GRIN3A: variants seen among roughly 807,000 people sequenced by gnomAD.
The protein encoded by GRIN3A is glutamate ionotropic receptor NMDA type subunit 3A.
GRIN3A carries 47 observed loss-of-function variants against 92.4 expected under a neutral mutation model. That is an observed-to-expected ratio of 0.51 (90% CI 0.40 to 0.65). The LOEUF (loss-of-function observed/expected upper bound fraction) is 0.65, where lower values mean the gene tolerates loss of function less well. GRIN3A is among the 30% of genes least tolerant of loss of function. GRIN3A has a pLI of 0.00. For synonymous variants in GRIN3A, 527 were observed against 540.6 expected (o/e 0.97, Z 0.35); for missense variants, 1,324 against 1,393.1 (o/e 0.95, Z 0.79).
intron 1 of GRIN3A, among the ~76,000 whole-genome samples, chr9:101,698,897 C>T (rs10123455): frequency 0.14 from 21,807 of 151,972 alleles, 1,689 homozygotes; most frequent in Admixed American, 0.2. Context: ...CTCAATCTCC[C>T]GACCTCATGA....
At chr9:101,634,746 A>G (rs961995772) in intron 3 of GRIN3A, among the ~76,000 whole-genome samples, 1 of 152,212 alleles carries the variant, frequency 6.6e-6, no homozygotes, top group African/African-American at 2.4e-5. Flanking sequence ...CAATTAATAT[A>G]TACCTATTTG....
chr9:101,594,359 A>ATC lies in GRIN3A; in HGVS notation c.2767-15000_2767-14999insGA, dbSNP rs767386807. 2.9e-5 allele frequency: 45 copies of ATC among 1,536,718 alleles called. No individual in the cohort carries two copies. In the East Asian group the frequency reaches 4.3e-4, roughly 15 times the overall value. ...GGACGTCTTGAGCAAATCTTGAAAG[A>ATC]GATAGGGAAGAAAGCAGAAGTTGTT... On this transcript the variant is annotated intron_variant, in intron 6 of 8. Coordinates refer to ENST00000361820, the MANE Select transcript of GRIN3A (RefSeq NM_133445.3).
Position 101,572,638 on chromosome 9 carries a change from T to C in GRIN3A, c.*536A>G, listed in dbSNP as rs1201137262. 1.2e-5 allele frequency: 2 copies of C among 168,278 alleles called. No individual in the cohort carries two copies. The highest frequency in any genetic ancestry group is 2.6e-5 in the Non-Finnish European group (2 of 75,954). The allele number at this position is 168,278 out of a possible 1,614,324, so 10.4% of individuals were successfully genotyped here. A position where few individuals can be genotyped will look rare whatever the true frequency, so the allele number is the denominator to read the frequency against. ...CAATCCTTGACGTTTATGATACTAATGAGTTAATTTTTAAATACCCCACCC... is the reference window on the plus strand; with the variant it reads ...CAATCCTTGACGTTTATGATACTAACGAGTTAATTTTTAAATACCCCACCC... On this transcript the variant is annotated 3_prime_UTR_variant, in exon 9 of 9. Transcript: ENST00000361820.
chr9:101,612,698 T>C (rs1828382502), intron 6 of GRIN3A, among the ~76,000 whole-genome samples: 1 of 152,208 alleles, frequency 6.6e-6, no homozygotes, highest in Non-Finnish European at 1.5e-5. Context: ...CAGTCTCCAA[T>C]TTTAATCATC....
intron 1 of GRIN3A, among the ~76,000 whole-genome samples, chr9:101,727,451 G>A (rs1242416055): frequency 6.6e-6 from 1 of 152,110 alleles, no homozygotes; most frequent in Non-Finnish European, 1.5e-5. Context: ...AATAAATGAT[G>A]TGCTTAGCAC....
intron 6 of GRIN3A, among the ~76,000 whole-genome samples, chr9:101,612,802 G>T (rs1828383749): frequency 6.6e-6 from 1 of 152,140 alleles, no homozygotes. Context: ...GTGTGCCTTA[G>T]GGAAACCACT....
chr9:101,725,736 C>A (rs1484021982), intron 1 of GRIN3A, among the ~76,000 whole-genome samples: 3 of 152,168 alleles, frequency 2.0e-5, no homozygotes, highest in African/African-American at 7.2e-5. Context: ...TAAGAATAGT[C>A]CCCTTATTCA....
chr9:101,616,444 A>T (rs2118854257), intron 5 of GRIN3A, among the ~76,000 whole-genome samples: 1 of 152,256 alleles, frequency 6.6e-6, no homozygotes, highest in African/African-American at 2.4e-5. Context: ...CAGGCACTCA[A>T]AATAGCTCTT....
At chr9:101,621,375 T>TAATTTATACGTATCC (rs1465981623) in intron 5 of GRIN3A, among the ~76,000 whole-genome samples, 1 of 152,196 alleles carries the variant, frequency 6.6e-6, no homozygotes, top group African/African-American at 2.4e-5. Flanking sequence ...TTGTTTCGTG[T>TAATTTATACGTATCC]AATTTATACG....
chr9:101,707,810 C>T (rs984716053), intron 1 of GRIN3A, among the ~76,000 whole-genome samples: 1 of 152,160 alleles, frequency 6.6e-6, no homozygotes, highest in South Asian at 2.1e-4. Context: ...TTGGAATACT[C>T]CCTTTCAGAA....
chr9:101,721,275 T>C (rs1159658922), intron 1 of GRIN3A, among the ~76,000 whole-genome samples: 6 of 152,234 alleles, frequency 3.9e-5, no homozygotes, highest in Non-Finnish European at 8.8e-5. Flanking sequence ...CTTCCTCATT[T>C]TCTCTTTCTG....
In GRIN3A at chr9:101,670,560, C is replaced by A; in HGVS notation, c.1852G>T (p.Gly618Cys). The A allele has an allele frequency of 6.2e-7, 1 of 1,613,980 alleles. No homozygotes were observed. Among genetic ancestry groups the A allele is most frequent in the South Asian group, 1.1e-5 (1 of 91,082 alleles). The change falls in exon 3 of 9, where the codon GGT (glycine) becomes TGT (cysteine). Residue 618 changes from glycine to cysteine, a missense_variant. By Grantham distance (159) the Gly-to-Cys change is radical. Coordinates refer to ENST00000361820, the MANE Select transcript of GRIN3A (RefSeq NM_133445.3). ...WKNGHWTGLV[G>C]DLLRGTAHMA... ...TGGGCAGTCCCTCTCAGGAGATCAC[C>A]CACTAGCCCAGTCCAGTGCCCATTT...
At chr9:101,685,476 T>C (rs952991811) in intron 2 of GRIN3A, among the ~76,000 whole-genome samples, 1 of 151,976 alleles carries the variant, frequency 6.6e-6, no homozygotes, top group Non-Finnish European at 1.5e-5. Context: ...ACATTCGTCT[T>C]TGAAGAAATA....
At chr9:101,657,380 G>A (rs973504208) in intron 3 of GRIN3A, among the ~76,000 whole-genome samples, 1 of 151,866 alleles carries the variant, frequency 6.6e-6, no homozygotes, top group Non-Finnish European at 1.5e-5. Flanking sequence ...ACCATATTCC[G>A]ATGAAGAAAT....
chr9:101,573,155 A>G lies in GRIN3A; in HGVS notation c.*19T>C, dbSNP rs778683815. On this transcript the variant is annotated 3_prime_UTR_variant, in exon 9 of 9. Coordinates refer to ENST00000361820, the MANE Select transcript of GRIN3A (RefSeq NM_133445.3). ...TCAGAGGAAGGTCAGGAACTGAGAA[A>G]GGGAAGCAGTGTGGTCACCTAGGAC... 3.1e-6 allele frequency: 5 copies of G among 1,599,702 alleles called. No homozygotes were observed. The highest frequency in any genetic ancestry group is 2.2e-5 in the East Asian group (1 of 44,812).
rs375158642 is a variant in GRIN3A at position 101,650,821 on chromosome 9, C to G, written c.2352+19239G>C. On this transcript the variant is annotated intron_variant, in intron 3 of 8. Transcript: ENST00000361820. ...TACCTCTGCCTGGAATTCCACCCCC[C>G]CACACACATTTTGTTTTCTCAAAGG... 3.9e-5 allele frequency among the ~76,000 whole-genome samples: 6 copies of G among 152,014 alleles called. No homozygotes were observed. In the East Asian group the frequency reaches 7.8e-4, roughly 20 times the overall value.
At chr9:101,585,644 G>T (rs964305771) in intron 6 of GRIN3A, among the ~76,000 whole-genome samples, 2 of 152,108 alleles carry the variant, frequency 1.3e-5, no homozygotes, top group African/African-American at 4.8e-5. Flanking sequence ...CTGTGTATCT[G>T]CAAATATGGT....
intron 3 of GRIN3A, among the ~76,000 whole-genome samples, chr9:101,658,561 GT>G (rs1203599822): frequency 6.6e-6 from 1 of 150,420 alleles, no homozygotes; most frequent in Non-Finnish European, 1.5e-5. Flanking sequence ...ACATTGATAG[GT>G]TTTATTTGGT....
intron 3 of GRIN3A, among the ~76,000 whole-genome samples, chr9:101,646,819 T>G (rs1027040085): frequency 6.6e-6 from 1 of 151,878 alleles, no homozygotes; most frequent in Non-Finnish European, 1.5e-5. Context: ...TTGTTTACTG[T>G]TGGTACATAT....
Sources: gnomAD v4.1 joint callset for allele counts (sites outside exome capture counted in the v4.1 genomes callset) on GRCh38, gnomAD v4.1.1 for gene constraint, MANE v1.5 for transcripts, NCBI Gene and HGNC (gene_info 2026-07-23, HGNC 2026-07-21) for gene names.